The following ATRNL1 variants were observed in gnomAD, a reference collection of about 807,000 sequenced individuals.
ATRNL1 encodes attractin like 1.
ATRNL1 carries 95 observed loss-of-function variants against 182.7 expected under a neutral mutation model. The ratio of observed to expected loss-of-function variants is 0.52; its 90% CI spans 0.44 to 0.62. ATRNL1 has a LOEUF of 0.62. Ranked by LOEUF, ATRNL1 falls within the 20% of genes least tolerant of loss-of-function variation. The probability of loss-of-function intolerance (pLI) is 0.00; values close to 1 mark genes in which losing one functional copy is unlikely to be tolerated. For missense variants in ATRNL1, 1,471 were observed against 1,679.5 expected (o/e 0.88, Z 2.17); for synonymous variants, 576 against 568.3 (o/e 1.01, Z -0.19).
intron 18 of ATRNL1, among the ~76,000 whole-genome samples, chr10:115,318,427 C>T (rs956275162): frequency 2.0e-5 from 3 of 152,126 alleles, no homozygotes; most frequent in Admixed American, 1.3e-4. Context: ...AGGAGTCTCT[C>T]CCTTTCAGTT....
intron 20 of ATRNL1, among the ~76,000 whole-genome samples, chr10:115,396,746 C>G (rs1844308814): frequency 1.3e-5 from 2 of 151,788 alleles, no homozygotes; most frequent in Non-Finnish European, 2.9e-5. Flanking sequence ...ATATAACTAT[C>G]CATAATAAAT....
At chr10:115,721,192 A>G (rs1190860213) in intron 26 of ATRNL1, among the ~76,000 whole-genome samples, 1 of 152,126 alleles carries the variant, frequency 6.6e-6, no homozygotes, top group East Asian at 1.9e-4. Flanking sequence ...TCTTGGTCAT[A>G]TGAATTATAT....
At chr10:115,182,214 A>G (rs1554887952) in intron 8 of ATRNL1, among the ~76,000 whole-genome samples, 1 of 151,570 alleles carries the variant, frequency 6.6e-6, no homozygotes, top group Non-Finnish European at 1.5e-5. Flanking sequence ...ATGATGTGAT[A>G]AAGCAACTAA....
chr10:115,913,172 C>CTGA (rs782055215), intron 28 of ATRNL1, among the ~76,000 whole-genome samples: 23 of 152,190 alleles, frequency 1.5e-4, no homozygotes, highest in Non-Finnish European at 3.1e-4. Context: ...AATATTTTAA[C>CTGA]TGATTACAAA....
chr10:115,930,504 AC>A (rs1555121352), intron 28 of ATRNL1, among the ~76,000 whole-genome samples: 1 of 152,182 alleles, frequency 6.6e-6, no homozygotes, highest in East Asian at 1.9e-4. Context: ...TCAGCCACCT[AC>A]AATTCAACTA....
At chr10:115,272,872 G>A (rs1472286437) in intron 13 of ATRNL1, among the ~76,000 whole-genome samples, 1 of 152,176 alleles carries the variant, frequency 6.6e-6, no homozygotes, top group African/African-American at 2.4e-5. Flanking sequence ...TGTGACATGA[G>A]TTGCTTGGTC....
intron 8 of ATRNL1, among the ~76,000 whole-genome samples, chr10:115,209,571 A>T (rs1469026164): frequency 6.6e-6 from 1 of 151,406 alleles, no homozygotes; most frequent in South Asian, 2.1e-4. Flanking sequence ...TCATGTATTC[A>T]TGCATCTGTT....
intron 20 of ATRNL1, among the ~76,000 whole-genome samples, chr10:115,417,694 G>C (rs944631085): frequency 6.6e-6 from 1 of 152,142 alleles, no homozygotes; most frequent in Non-Finnish European, 1.5e-5. Flanking sequence ...ATGATTGTCT[G>C]GGGCACTGGG....
intron 19 of ATRNL1, among the ~76,000 whole-genome samples, chr10:115,362,034 G>A (rs996433697): frequency 2.6e-5 from 4 of 151,942 alleles, no homozygotes; most frequent in Admixed American, 2.0e-4. Context: ...AATAAACAAA[G>A]TAATCTGATT....
intron 10 of ATRNL1, among the ~76,000 whole-genome samples, chr10:115,255,206 A>T (rs1285591072): frequency 6.6e-6 from 1 of 152,172 alleles, no homozygotes; most frequent in Non-Finnish European, 1.5e-5. Context: ...ATGGCATTGA[A>T]TCTATAAATT....
chr10:115,336,982 G>C (rs905431352), intron 19 of ATRNL1, among the ~76,000 whole-genome samples: 26 of 147,056 alleles, frequency 1.8e-4, no homozygotes, highest in East Asian at 3.9e-4. Flanking sequence ...AGTAGCTGGG[G>C]GGGGGGGACT....
chr10:115,878,772 T>C (rs1951755445), intron 28 of ATRNL1, among the ~76,000 whole-genome samples: 1 of 150,688 alleles, frequency 6.6e-6, no homozygotes, highest in Non-Finnish European at 1.5e-5. Flanking sequence ...CTAGTGCCCC[T>C]GATACTGTGT....
At chr10:115,702,846 C>G (rs1206289692) in intron 26 of ATRNL1, among the ~76,000 whole-genome samples, 2 of 151,460 alleles carry the variant, frequency 1.3e-5, no homozygotes, top group Admixed American at 6.6e-5. Flanking sequence ...ATCTACTGCC[C>G]AAAATAATCT....
chr10:115,280,989 A>G (rs981006617), intron 13 of ATRNL1, among the ~76,000 whole-genome samples: 1 of 152,190 alleles, frequency 6.6e-6, no homozygotes, highest in Non-Finnish European at 1.5e-5. Flanking sequence ...AGCTTTGCCT[A>G]ATGCCATTGT....
Position 115,429,965 on chromosome 10 carries a change from G to A in ATRNL1, c.3322+3663G>A, listed in dbSNP as rs193203628. Reference sequence around the variant, plus strand: ...GGGCGCCTGTAGTCCCAGCTACTCCGGAGACTGAGATGGGAGAATGTCATG... The same window carrying A: ...GGGCGCCTGTAGTCCCAGCTACTCCAGAGACTGAGATGGGAGAATGTCATG... On this transcript the variant is annotated intron_variant, in intron 21 of 28. Coordinates refer to ENST00000355044, the MANE Select transcript of ATRNL1 (RefSeq NM_207303.4). 2.0e-5 allele frequency among the ~76,000 whole-genome samples: 3 copies of A among 152,282 alleles called. No homozygotes were observed. The East Asian group carries it at 5.8e-4, about 29-fold the overall frequency.
intron 21 of ATRNL1, among the ~76,000 whole-genome samples, chr10:115,428,024 A>T (rs2134401722): frequency 6.6e-6 from 1 of 152,042 alleles, no homozygotes; most frequent in East Asian, 1.9e-4. Context: ...TGGCATGTTA[A>T]CTATAGTGAG....
chr10:115,315,608 G>T lies in ATRNL1; in HGVS notation c.2909G>T (p.Gly970Val), dbSNP rs1854261396. ...AATGATCCTAGTAATACAGGAAGAG[G>T]ACATTGCATTGAAGGTTCTTCACGG... ...WCNDPSNTGRGHCIEGSSRGP... is the reference protein window; with the variant it reads ...WCNDPSNTGRVHCIEGSSRGP... The change falls in exon 18 of 29, where the codon GGA becomes GTA. Residue 970 changes from glycine to valine, a missense_variant. By Grantham distance (109) the Gly-to-Val change is moderately radical. Transcript: ENST00000355044. The T allele has an allele frequency of 6.2e-7, 1 of 1,613,866 alleles. No homozygotes were observed. Among genetic ancestry groups the T allele is most frequent in the Non-Finnish European group, 8.5e-7 (1 of 1,179,890 alleles).
intron 20 of ATRNL1, among the ~76,000 whole-genome samples, 181 bp from the exon 21 acceptor site, chr10:115,426,069 C>T (rs1351921675): frequency 6.6e-6 from 1 of 151,900 alleles, no homozygotes; most frequent in Non-Finnish European, 1.5e-5. Context: ...ATATATAAAG[C>T]TTTCTACAAT....
chr10:115,256,283 G>C (rs1438145931), intron 10 of ATRNL1, among the ~76,000 whole-genome samples: 1 of 151,954 alleles, frequency 6.6e-6, no homozygotes, highest in Non-Finnish European at 1.5e-5. Context: ...TTTTTTGTTT[G>C]GTAGGCTATT....
Sources: allele counts gnomAD v4.1 joint callset (sites outside exome capture counted in the v4.1 genomes callset), GRCh38; gene constraint gnomAD v4.1.1; transcripts MANE v1.5; gene names NCBI Gene and HGNC (gene_info 2026-07-23, HGNC 2026-07-21).